The following HFM1 variants were observed in gnomAD, a reference collection of about 807,000 sequenced individuals.
HFM1 encodes probable ATP-dependent DNA helicase HFM1.
A neutral mutation model predicts 192.1 loss-of-function variants in HFM1; 169 were observed. That is an observed-to-expected ratio of 0.88 (90% CI 0.78 to 1.00). The LOEUF (loss-of-function observed/expected upper bound fraction) is 1.00, where lower values mean the gene tolerates loss of function less well. HFM1 is among the 50% of genes least tolerant of loss of function. HFM1 has a pLI of 0.00. For synonymous variants in HFM1, 525 were observed against 537.8 expected, an observed-to-expected ratio of 0.98 and a Z score of 0.33; for missense variants, 1,661 against 1,668.0, an observed-to-expected ratio of 1.00 and a Z score of 0.07.
At position 91,385,542 on chromosome 1, in the gene HFM1, C is replaced by G. The variant is rs773927177; in HGVS notation, c.754+33G>C. On this transcript the variant is annotated intron_variant, in intron 5 of 38. Transcript: ENST00000370425. Reference sequence around the variant, plus strand: ...GCTAAGAAATGTGGTTTAGTCTGTACTCATAAAATGAACTGAAAAAGCAAG... The same window carrying G: ...GCTAAGAAATGTGGTTTAGTCTGTAGTCATAAAATGAACTGAAAAAGCAAG... 21 of 1,568,732 alleles carry G rather than the reference C, an allele frequency of 1.3e-5. No individual in the cohort carries two copies. The Admixed American group carries it at 3.6e-4, about 27-fold the overall frequency.
rs151270437 is a variant in HFM1, at chr1:91,366,072, G to C, written c.1685+9286C>G. 9.9e-5 allele frequency among the ~76,000 whole-genome samples: 15 copies of C among 151,956 alleles called. No individual in the cohort carries two copies. The East Asian group carries it at 2.9e-3, about 29-fold the overall frequency. ...TAAAGGAGAGAGAAACTTTCCATTA[G>C]TAACTAGGTAAGAGTGGGAAATGAG... On this transcript the variant is annotated intron_variant, in intron 13 of 38. Transcript: ENST00000370425.
At chr1:91,291,661 C>T (rs1222842092) in intron 30 of HFM1, among the ~76,000 whole-genome samples, 1 of 151,962 alleles carries the variant, frequency 6.6e-6, no homozygotes, top group Non-Finnish European at 1.5e-5. Flanking sequence ...GAAACTATTC[C>T]AATCAATAGA....
chr1:91,404,723 T>C, intron 1 of HFM1, 75 bp downstream of exon 1: 1 of 423,316 alleles, frequency 2.4e-6, no homozygotes. Flanking sequence ...ACGGCTCGGC[T>C]GGGTCCCCAC....
At chr1:91,399,922 C>T (rs1227683830) in intron 2 of HFM1, among the ~76,000 whole-genome samples, 1 of 152,128 alleles carries the variant, frequency 6.6e-6, no homozygotes, top group African/African-American at 2.4e-5. Flanking sequence ...ACATGTTGCC[C>T]CAGTTGGATG....
At chr1:91,280,748 T>A (rs1667384908) in intron 30 of HFM1, among the ~76,000 whole-genome samples, 1 of 152,200 alleles carries the variant, frequency 6.6e-6, no homozygotes, top group African/African-American at 2.4e-5. Flanking sequence ...CCACCACTCA[T>A]GTTGTCTGTC....
chr1:91,380,580 T>C (rs1336984054), intron 7 of HFM1, among the ~76,000 whole-genome samples: 1 of 152,032 alleles, frequency 6.6e-6, no homozygotes, highest in East Asian at 1.9e-4. Context: ...AGAGCAAAAC[T>C]CTGTCTCCAC....
At chr1:91,299,582 G>A (rs531838330) in intron 30 of HFM1, among the ~76,000 whole-genome samples, 1,820 of 152,236 alleles carry the variant, frequency 0.012, 40 homozygotes, top group African/African-American at 0.041. Flanking sequence ...ATAACAAACT[G>A]TCTCTCAGAC....
At chr1:91,282,740 A>G (rs1030102769) in intron 30 of HFM1, among the ~76,000 whole-genome samples, 2 of 23,208 alleles carry the variant, frequency 8.6e-5, no homozygotes, top group African/African-American at 3.6e-4. Context: ...TAAGTTATTT[A>G]GAGAAGGAAC....
chr1:91,355,828 A>G (rs1657646686), intron 13 of HFM1, among the ~76,000 whole-genome samples: 1 of 152,234 alleles, frequency 6.6e-6, no homozygotes, highest in African/African-American at 2.4e-5. Context: ...AAGTTAACAA[A>G]GAAATACTGG....
At chr1:91,269,766 C>G (rs1294988453) in intron 34 of HFM1, among the ~76,000 whole-genome samples, 2 of 152,224 alleles carry the variant, frequency 1.3e-5, no homozygotes, top group East Asian at 3.9e-4. Context: ...GGAATTTCAG[C>G]TTGATAGAGC....
chr1:91,328,702 A>G, intron 20 of HFM1: 1 of 1,602,552 alleles, frequency 6.2e-7, no homozygotes. Flanking sequence ...GGGCTGAGGC[A>G]GAGAAGCAGC....
In HFM1 at chr1:91,323,168, A is replaced by G. The variant is rs781272018; in HGVS notation, c.2459T>C (p.Leu820Pro). 2 of 1,588,430 alleles carry G rather than the reference A, an allele frequency of 1.3e-6. No homozygotes were observed. The highest frequency in any genetic ancestry group is 1.7e-5 in the Admixed American group (1 of 58,482). Residue 820 changes from leucine (L) to proline (P), a missense_variant, in exon 22 of 39, where the codon CTA (leucine) becomes CCA (proline). Physicochemically the swap from Leu to Pro is moderately conservative, Grantham distance 98 (BLOSUM62 -3). Transcript: ENST00000370425. ...VTLIAGCKEF[L>P]DIQLRINEKK... The stretch of plus-strand genomic sequence containing the variant: ...TTCATTTATCCTTAACTGTATATCT[A>G]GAAATTCCTTGCAGCCAGCTATCAA...
intron 30 of HFM1, among the ~76,000 whole-genome samples, chr1:91,288,239 A>G (rs1224362955): frequency 6.6e-6 from 1 of 152,010 alleles, no homozygotes; most frequent in Non-Finnish European, 1.5e-5. Context: ...AAATGAAGGA[A>G]AAAATGTTAA....
intron 20 of HFM1, among the ~76,000 whole-genome samples, chr1:91,325,505 T>A (rs1423184223): frequency 6.6e-6 from 1 of 151,696 alleles, no homozygotes; most frequent in Non-Finnish European, 1.5e-5. Context: ...AGAACAAGAG[T>A]CTTTGCCTGA....
chr1:91,275,599 G>A (rs1295763279), intron 32 of HFM1, among the ~76,000 whole-genome samples: 1 of 152,094 alleles, frequency 6.6e-6, no homozygotes, highest in Non-Finnish European at 1.5e-5. Context: ...TTTTCTCCCA[G>A]TTGCTAATGC....
In HFM1 at chr1:91,353,303, T is replaced by C; in HGVS notation, c.1686-4A>G. The C allele has an allele frequency of 6.6e-7, 1 of 1,509,142 alleles. No homozygotes were observed. The highest frequency in any genetic ancestry group is 9.1e-7 in the Non-Finnish European group (1 of 1,096,912). The allele number at this position is 1,509,142 out of a possible 1,614,324, so 93.5% of individuals were successfully genotyped here. A position where few individuals can be genotyped will look rare whatever the true frequency, so the allele number is the denominator to read the frequency against. ...GGAATATGCATACTTCTGTAACCTA[T>C]TTAAAAATACCATAAAATTATTGAG... On this transcript the variant is annotated splice_polypyrimidine_tract_variant and splice_region_variant and intron_variant, in intron 13 of 38. Transcript: ENST00000370425.
chr1:91,277,173 G>T, intron 30 of HFM1, 111 bp from the exon 31 acceptor site: 18 of 544,922 alleles, frequency 3.3e-5, no homozygotes, highest in East Asian at 7.1e-5. Flanking sequence ...CAAAAATATT[G>T]ATTTTTATAC....
At chr1:91,328,659 G>T in intron 20 of HFM1, 1 of 1,594,794 alleles carries the variant, frequency 6.3e-7, no homozygotes, top group Non-Finnish European at 8.6e-7. Context: ...CACAGCACAA[G>T]TCAGGCGAGC....
chr1:91,289,383 C>T (rs1348837160), intron 30 of HFM1, among the ~76,000 whole-genome samples: 1 of 151,502 alleles, frequency 6.6e-6, no homozygotes, highest in Non-Finnish European at 1.5e-5. Context: ...CCAGACTGGG[C>T]GGCCGGGCAG....
Sources: gnomAD v4.1 joint callset for allele counts (sites outside exome capture counted in the v4.1 genomes callset) on GRCh38, gnomAD v4.1.1 for gene constraint, MANE v1.5 for transcripts, NCBI Gene and HGNC (gene_info 2026-07-23, HGNC 2026-07-21) for gene names.